The following SERAC1 variants were observed in gnomAD, a reference collection of about 807,000 sequenced individuals.
SERAC1 encodes serine active site containing 1.
Under a neutral mutation model 85.7 loss-of-function variants are expected in SERAC1, and 36 were observed. That is an observed-to-expected ratio of 0.42 (90% CI 0.32 to 0.55). SERAC1 has a LOEUF of 0.55. Ranked by LOEUF, SERAC1 falls within the 20% of genes least tolerant of loss-of-function variation. The probability of loss-of-function intolerance (pLI) is 0.11; values close to 1 mark genes in which losing one functional copy is unlikely to be tolerated. For synonymous variants in SERAC1, 242 were observed against 265.3 expected, an observed-to-expected ratio of 0.91 and a Z score of 0.85; for missense variants, 629 against 796.2, an observed-to-expected ratio of 0.79 and a Z score of 2.53.
At chr6:158,128,381 T>A in intron 9 of SERAC1, 111 bp from the exon 10 acceptor site, 1 of 962,176 alleles carries the variant, frequency 1.0e-6, no homozygotes, top group South Asian at 1.6e-5. Flanking sequence ...AGGGCAGGGA[T>A]GCAGGGAGAC....
chr6:158,145,279 T>C (rs1023401743), intron 6 of SERAC1: 4 of 152,168 alleles, frequency 2.6e-5, no homozygotes, highest in African/African-American at 9.7e-5. Flanking sequence ...TGAGTACTTC[T>C]GGATCAAGTG....
Position 158,144,376 on chromosome 6 carries a change from G to T in SERAC1, c.532C>A (p.Leu178Ile). 1 of 1,613,334 alleles carries T rather than the reference G, an allele frequency of 6.2e-7. No homozygotes were observed. Residue 178 changes from leucine to isoleucine, a missense_variant, in exon 7 of 17, where the codon CTT becomes ATT. Transcript: ENST00000647468. ...TCTTCGCTTCGTGCCAAACCAATAA[G>T]AGTTTTCGGATCACAGGCTTGAGCA... ...IIAQACDPKT[L>I]IGLARSEESD...
At position 158,119,628 on chromosome 6, in the gene SERAC1, AAC is replaced by A. The variant is rs1255187814; in HGVS notation, c.1167-460_1167-459del. Among the ~76,000 whole-genome samples, 1 of 152,158 alleles carries A rather than the reference AAC, an allele frequency of 6.6e-6. No homozygotes were observed. Among genetic ancestry groups the A allele is most frequent in the Non-Finnish European group, 1.5e-5 (1 of 67,996 alleles). On this transcript the variant is annotated intron_variant, in intron 11 of 16. Coordinates refer to ENST00000647468, the MANE Select transcript of SERAC1 (RefSeq NM_032861.4). The surrounding 1 kb of genome is among the most constrained non-coding windows in gnomAD (Gnocchi z 4.5). ...TACTTATAAAATGAGATTTCAAAGT[AAC>A]ATTCACTCATTGCATATGACGCATT... is the stretch of plus-strand genomic sequence containing the variant.
chr6:158,111,128 A>T lies in SERAC1; in HGVS notation c.*238T>A. On this transcript the variant is annotated 3_prime_UTR_variant, in exon 17 of 17. Transcript: ENST00000647468. ...CACTGCGAACCATAAAGCAGCACAC[A>T]GGGACTTCTTTACACCAAAGGGGCC... is the stretch of plus-strand genomic sequence containing the variant. 1 of 316,438 alleles carries T rather than the reference A, an allele frequency of 3.2e-6. No individual in the cohort carries two copies. Among genetic ancestry groups the T allele is most frequent in the South Asian group, 8.3e-5 (1 of 12,048 alleles). The allele number at this position is 316,438 out of a possible 1,614,324, so 19.6% of individuals were successfully genotyped here.
chr6:158,128,735 C>G (rs547921758), intron 9 of SERAC1, among the ~76,000 whole-genome samples: 1 of 152,286 alleles, frequency 6.6e-6, no homozygotes, highest in South Asian at 2.1e-4. Flanking sequence ...TCTGTGGCCC[C>G]ACACCCTATC....
At chr6:158,113,666 AT>A in intron 15 of SERAC1, 74 bp from the exon 16 acceptor site, 1 of 1,306,568 alleles carries the variant, frequency 7.7e-7, no homozygotes, top group Non-Finnish European at 1.1e-6. Flanking sequence ...AATCTTTCAA[AT>A]TTAGAGAGGA....
chr6:158,145,227 G>A (rs1785026617), intron 6 of SERAC1: 8 of 152,148 alleles, frequency 5.3e-5, no homozygotes, highest in Admixed American at 5.2e-4. Flanking sequence ...CTGGGTGACA[G>A]AACAAGACTG....
intron 4 of SERAC1, 83 bp from the exon 5 acceptor site, chr6:158,149,037 T>C (rs1785141521): frequency 3.1e-6 from 3 of 960,576 alleles, no homozygotes; most frequent in Non-Finnish European, 4.5e-6. Context: ...TCGCCCAGGT[T>C]GGAGTGCAGT....
intron 7 of SERAC1, 83 bp downstream of exon 7, chr6:158,144,216 T>A (rs1354382429): frequency 1.0e-5 from 11 of 1,089,520 alleles, no homozygotes; most frequent in South Asian, 1.9e-5. Flanking sequence ...ACTACTTTTT[T>A]AAAGTGTTTT....
chr6:158,129,403 T>A (rs1216904487), intron 9 of SERAC1, among the ~76,000 whole-genome samples: 5 of 152,204 alleles, frequency 3.3e-5, no homozygotes. Flanking sequence ...GTGGGACAGA[T>A]CACCTGCATT....
intron 1 of SERAC1, among the ~76,000 whole-genome samples, chr6:158,165,934 C>T (rs1181277498): frequency 6.6e-6 from 1 of 152,042 alleles, no homozygotes; most frequent in South Asian, 2.1e-4. Flanking sequence ...TTCTCAGAGA[C>T]ATTTAAAAAA....
At chr6:158,118,563 C>T (rs763045216) in intron 12 of SERAC1, among the ~76,000 whole-genome samples, 4 of 146,168 alleles carry the variant, frequency 2.7e-5, no homozygotes, top group Non-Finnish European at 4.5e-5. Context: ...GACTGCAGTG[C>T]GCTAGGATCG....
intron 8 of SERAC1, among the ~76,000 whole-genome samples, chr6:158,133,825 A>C (rs1228452460): frequency 2.0e-5 from 3 of 152,190 alleles, no homozygotes; most frequent in Non-Finnish European, 4.4e-5. Flanking sequence ...GATAGAATTC[A>C]AGGCAGGTAG....
At chr6:158,148,992 A>ATT (rs71027384) in intron 4 of SERAC1, 38 bp from the exon 5 acceptor site, 11,616 of 1,254,046 alleles carry the variant, frequency 9.3e-3, no homozygotes, top group Admixed American at 0.013. Context: ...CCAAGAATGT[A>ATT]TTTTTTTTTT....
chr6:158,144,515 T>C (rs1262374859), intron 6 of SERAC1, 95 bp from the exon 7 acceptor site: 1 of 1,207,012 alleles, frequency 8.3e-7, no homozygotes, highest in Non-Finnish European at 1.1e-6. Context: ...ACTCTAATTT[T>C]TAAACTGCTC....
chr6:158,119,076 CA>C lies in SERAC1; in HGVS notation c.1260del (p.Ile420MetfsTer20). On this transcript the variant is annotated frameshift_variant, in exon 12 of 17. Coordinates refer to ENST00000647468, the MANE Select transcript of SERAC1 (RefSeq NM_032861.4). LOFTEE classifies it high-confidence loss of function. This position sits in a 1 kb window ranked among gnomAD's most constrained non-coding sequence, Gnocchi z 4.5. ...CTGTCTTCATCCTCCATAGGTTTTTCAATTACAGCCTGCTCACTGTCCTGCT... is the reference window on the plus strand; with the variant it reads ...CTGTCTTCATCCTCCATAGGTTTTTCATTACAGCCTGCTCACTGTCCTGCT... Reference protein sequence around the residue: ...WRQQDSEQAVIEKPMEDEDRY... With the variant: ...WRQQDSEQAVXEKPMEDEDRY... The C allele has an allele frequency of 6.2e-7, 1 of 1,613,950 alleles. No homozygotes were observed. The highest frequency in any genetic ancestry group is 8.5e-7 in the Non-Finnish European group (1 of 1,179,916).
chr6:158,141,204 T>C (rs972779706), intron 8 of SERAC1, among the ~76,000 whole-genome samples: 2 of 152,180 alleles, frequency 1.3e-5, no homozygotes, highest in African/African-American at 4.8e-5. Flanking sequence ...AGGCCACATA[T>C]TGGATGATTC....
Position 158,117,902 on chromosome 6 carries a change from T to A in SERAC1, c.1309-81A>T. The A allele has an allele frequency of 9.5e-7, 1 of 1,054,698 alleles. No homozygotes were observed. Among genetic ancestry groups the A allele is most frequent in the Non-Finnish European group, 1.4e-6 (1 of 693,112 alleles). 65.3% of individuals were successfully genotyped at this position (1,054,698 alleles called of 1,614,324 possible). ...CTGCCTAGTAAATCAAATTTATAAC[T>A]AAAGGCCTCTTGCACTATAATTAAA... On this transcript the variant is annotated intron_variant, in intron 12 of 16. Coordinates refer to ENST00000647468, the MANE Select transcript of SERAC1 (RefSeq NM_032861.4). The surrounding 1 kb of genome is among the most constrained non-coding windows in gnomAD (Gnocchi z 4.3).
chr6:158,133,510 T>C (rs1784727124), intron 8 of SERAC1, among the ~76,000 whole-genome samples: 1 of 151,176 alleles, frequency 6.6e-6, no homozygotes, highest in South Asian at 2.1e-4. Flanking sequence ...CTCAGCCTCC[T>C]GAGTAGCTGG....
Sources: allele counts gnomAD v4.1 joint callset (sites outside exome capture counted in the v4.1 genomes callset), GRCh38; gene constraint gnomAD v4.1.1; non-coding constraint Gnocchi (gnomAD v3.1); transcripts MANE v1.5; gene names NCBI Gene and HGNC (gene_info 2026-07-23, HGNC 2026-07-21).